KLF8: variants seen among roughly 807,000 people sequenced by gnomAD.
KLF8 encodes Krueppel-like factor 8.
Under a neutral mutation model 18.2 loss-of-function variants are expected in KLF8, and 10 were observed. The observed-to-expected ratio is 0.55, with a 90% CI of 0.34 to 0.93. The LOEUF is 0.93. Among genes scored for constraint, KLF8 ranks in the 40% least tolerant of loss-of-function variants. KLF8 has a pLI of 0.02. For synonymous variants in KLF8, 109 were observed against 97.3 expected (o/e 1.12, Z -0.71); for missense variants, 264 against 277.9 (o/e 0.95, Z 0.36).
the KLF8 span, among the ~76,000 whole-genome samples, chrX:56,054,578 G>C: frequency 8.9e-6 from 1 of 111,817 alleles, no homozygotes; most frequent in South Asian, 3.7e-4. Context: ...TTTGAGTGGA[G>C]AGTTTTGTTG....
chrX:56,160,762 T>G, the KLF8 span, among the ~76,000 whole-genome samples: 1 of 111,357 alleles, frequency 9.0e-6, no homozygotes, highest in African/African-American at 3.3e-5. Context: ...TTCCATCCCT[T>G]TATTTTGAGC....
At chrX:56,262,000 A>G (rs1222029634) in intron 2 of KLF8, among the ~76,000 whole-genome samples, 2 of 111,903 alleles carry the variant, frequency 1.8e-5, no homozygotes, top group Non-Finnish European at 3.8e-5. Flanking sequence ...TCACTTAGAC[A>G]TAAGAGGCAT....
At chrX:55,950,296 C>A in the KLF8 span, among the ~76,000 whole-genome samples, 2 of 110,775 alleles carry the variant, frequency 1.8e-5, no homozygotes, top group South Asian at 7.8e-4. Context: ...GTTAGTCCTG[C>A]AGAGAGCGGG....
chrX:56,045,655 T>C, the KLF8 span, among the ~76,000 whole-genome samples: 1 of 112,106 alleles, frequency 8.9e-6, no homozygotes. Context: ...TATTTTACTT[T>C]TTTTGCACCT....
the KLF8 span, among the ~76,000 whole-genome samples, chrX:56,158,661 G>A: frequency 3.6e-5 from 4 of 111,827 alleles, no homozygotes; most frequent in Non-Finnish European, 7.5e-5. Context: ...AATTGTGAAT[G>A]GGAGTTCACT....
the KLF8 span, among the ~76,000 whole-genome samples, chrX:55,945,667 G>A: frequency 9.0e-6 from 1 of 110,986 alleles, no homozygotes; most frequent in Non-Finnish European, 1.9e-5. Flanking sequence ...GGAAATAAAA[G>A]GTATTCAATT....
At chrX:56,003,112 C>T in the KLF8 span, among the ~76,000 whole-genome samples, 7 of 111,615 alleles carry the variant, frequency 6.3e-5, no homozygotes, top group African/African-American at 9.8e-5. Flanking sequence ...GAACTTTGGC[C>T]GGGCACAGTG....
the KLF8 span, among the ~76,000 whole-genome samples, chrX:55,930,743 C>T: frequency 5.4e-5 from 6 of 111,685 alleles, no homozygotes; most frequent in Admixed American, 9.5e-5. Flanking sequence ...CCAGCTTGAT[C>T]GTGGTGGATA....
the KLF8 span, among the ~76,000 whole-genome samples, chrX:55,997,516 A>G: frequency 9.0e-6 from 1 of 111,474 alleles, no homozygotes; most frequent in African/African-American, 3.3e-5. Flanking sequence ...CAGGGCCAGT[A>G]TGATTCCTGG....
chrX:56,070,622 T>G, the KLF8 span, among the ~76,000 whole-genome samples: 1 of 110,604 alleles, frequency 9.0e-6, no homozygotes, highest in Non-Finnish European at 1.9e-5. Context: ...TGAGAACACA[T>G]GGACCCAGGG....
chrX:56,045,061 G>A, the KLF8 span, among the ~76,000 whole-genome samples: 1 of 111,998 alleles, frequency 8.9e-6, no homozygotes, highest in African/African-American at 3.2e-5. Flanking sequence ...TCCATGTTGA[G>A]TTGATTTTTG....
the KLF8 span, among the ~76,000 whole-genome samples, chrX:56,076,198 G>A: frequency 9.2e-6 from 1 of 108,404 alleles, no homozygotes; most frequent in South Asian, 4.1e-4. Context: ...GTGCAGGTTA[G>A]TTACATATGT....
chrX:55,931,074 G>T, the KLF8 span, among the ~76,000 whole-genome samples: 1 of 111,758 alleles, frequency 8.9e-6, no homozygotes, highest in Non-Finnish European at 1.9e-5. Flanking sequence ...CTTGTTGTTG[G>T]TCCATTCAGG....
chrX:56,121,231 C>A, the KLF8 span, among the ~76,000 whole-genome samples: 1 of 106,074 alleles, frequency 9.4e-6, no homozygotes, highest in African/African-American at 3.5e-5. Context: ...AGACACCACA[C>A]ACATAAGGCT....
the KLF8 span, among the ~76,000 whole-genome samples, chrX:56,080,617 A>G: frequency 9.0e-6 from 1 of 110,604 alleles, no homozygotes; most frequent in Non-Finnish European, 1.9e-5. Flanking sequence ...GAATCTGACA[A>G]TTATGTGTCT....
chrX:55,992,395 G>A, the KLF8 span, among the ~76,000 whole-genome samples: 2 of 111,870 alleles, frequency 1.8e-5, no homozygotes, highest in African/African-American at 6.5e-5. Context: ...CTTTGTCAAG[G>A]TCAGATGACT....
At chrX:56,160,147 C>A in the KLF8 span, among the ~76,000 whole-genome samples, 6 of 111,871 alleles carry the variant, frequency 5.4e-5, no homozygotes, top group South Asian at 1.5e-3. Flanking sequence ...TCGTTATGAA[C>A]CCTGTAGTCA....
chrX:56,103,523 G>T, the KLF8 span, among the ~76,000 whole-genome samples: 6 of 111,121 alleles, frequency 5.4e-5, no homozygotes, highest in Non-Finnish European at 9.4e-5. Context: ...GTCTATTATT[G>T]GTGTATAGGA....
the KLF8 span, among the ~76,000 whole-genome samples, chrX:55,953,863 T>G: frequency 9.1e-6 from 1 of 110,358 alleles, no homozygotes; most frequent in East Asian, 2.8e-4. Flanking sequence ...AATGTAAATG[T>G]TGTTATTTGG....
Sources: allele counts gnomAD v4.1 joint callset (sites outside exome capture counted in the v4.1 genomes callset), GRCh38; gene constraint gnomAD v4.1.1; transcripts MANE v1.5; gene names NCBI Gene and HGNC (gene_info 2026-07-23, HGNC 2026-07-21).